Variants in DLG2 observed in about 807,000 individuals in gnomAD.
The protein encoded by DLG2 is discs large MAGUK scaffold protein 2.
Under a neutral mutation model 132.5 loss-of-function variants are expected in DLG2, and 45 were observed. The ratio of observed to expected loss-of-function variants is 0.34; its 90% CI spans 0.27 to 0.44. The LOEUF (loss-of-function observed/expected upper bound fraction) is 0.44. Among genes scored for constraint, DLG2 ranks in the 20% least tolerant of loss-of-function variants. DLG2 has a pLI of 1.00. For synonymous variants in DLG2, 424 were observed against 419.6 expected (o/e 1.01, Z -0.13); for missense variants, 1,045 against 1,196.9 (o/e 0.87, Z 1.87).
At chr11:84,007,462 AT>A (rs1344483231) in intron 11 of DLG2, among the ~76,000 whole-genome samples, 1 of 151,718 alleles carries the variant, frequency 6.6e-6, no homozygotes, top group African/African-American at 2.4e-5. Flanking sequence ...AGAACAATCT[AT>A]CCTATCTTGC....
intron 6 of DLG2, among the ~76,000 whole-genome samples, chr11:84,648,497 C>T (rs551612800): frequency 3.3e-5 from 5 of 152,086 alleles, no homozygotes; most frequent in Non-Finnish European, 5.9e-5. Flanking sequence ...CTATTGTATC[C>T]GTTATAGTTT....
At chr11:83,509,317 C>T (rs1453439587) in intron 21 of DLG2, among the ~76,000 whole-genome samples, 1 of 152,218 alleles carries the variant, frequency 6.6e-6, no homozygotes, top group Non-Finnish European at 1.5e-5. Context: ...ATAATGCCTA[C>T]TTCACATTAT....
chr11:83,604,629 T>C (rs1026169328), intron 19 of DLG2, among the ~76,000 whole-genome samples: 4 of 152,182 alleles, frequency 2.6e-5, no homozygotes, highest in African/African-American at 9.7e-5. Context: ...GAGAAAAACC[T>C]AATGTGAAAC....
At chr11:85,027,384 C>T (rs921415383) in intron 6 of DLG2, among the ~76,000 whole-genome samples, 1 of 152,062 alleles carries the variant, frequency 6.6e-6, no homozygotes, top group Non-Finnish European at 1.5e-5. Context: ...ATAATTGTCA[C>T]GGGACCCTTG....
At chr11:85,317,373 A>C (rs1331438496) in intron 3 of DLG2, among the ~76,000 whole-genome samples, 1 of 151,784 alleles carries the variant, frequency 6.6e-6, no homozygotes, top group Non-Finnish European at 1.5e-5. Flanking sequence ...AGGAATCATC[A>C]CTCTGAAGGC....
chr11:84,583,705 G>A (rs529429547), intron 6 of DLG2, among the ~76,000 whole-genome samples: 161 of 151,900 alleles, frequency 1.1e-3, no homozygotes, highest in African/African-American at 3.9e-3. Context: ...AAATTTTTTA[G>A]CACTCCTTTT....
intron 10 of DLG2, among the ~76,000 whole-genome samples, chr11:84,096,127 G>C (rs1162334104): frequency 6.6e-6 from 1 of 152,134 alleles, no homozygotes; most frequent in African/African-American, 2.4e-5. Context: ...GCGACATTCA[G>C]AACTGGATTT....
At chr11:83,792,792 G>A (rs2041916589) in intron 17 of DLG2, among the ~76,000 whole-genome samples, 1 of 152,136 alleles carries the variant, frequency 6.6e-6, no homozygotes, top group Non-Finnish European at 1.5e-5. Context: ...TATAAACAAT[G>A]AGGTAATAAA....
chr11:84,609,379 T>A (rs927554507), intron 6 of DLG2, among the ~76,000 whole-genome samples: 1 of 152,114 alleles, frequency 6.6e-6, no homozygotes, highest in Admixed American at 6.6e-5. Context: ...AGTTGTTAAG[T>A]GTTATTGTTT....
chr11:84,417,882 T>C (rs533786599), intron 7 of DLG2, among the ~76,000 whole-genome samples: 1 of 152,310 alleles, frequency 6.6e-6, no homozygotes, highest in African/African-American at 2.4e-5. Context: ...TTGTACACTG[T>C]AACACCTGGG....
intron 8 of DLG2, among the ~76,000 whole-genome samples, chr11:84,187,999 A>G (rs1160915473): frequency 6.6e-6 from 1 of 152,132 alleles, no homozygotes; most frequent in Non-Finnish European, 1.5e-5. Context: ...AGCTTTTCCC[A>G]AAATCAAATA....
chr11:85,280,071 A>G (rs923585293), intron 4 of DLG2, among the ~76,000 whole-genome samples: 2 of 152,130 alleles, frequency 1.3e-5, no homozygotes, highest in Admixed American at 1.3e-4. Flanking sequence ...TATACTATGC[A>G]TTTTAATATA....
At chr11:84,209,069 C>G (rs1197247629) in intron 8 of DLG2, among the ~76,000 whole-genome samples, 1 of 152,126 alleles carries the variant, frequency 6.6e-6, no homozygotes, top group African/African-American at 2.4e-5. Flanking sequence ...AGATTTGTCC[C>G]TTGAGAGAAT....
intron 3 of DLG2, among the ~76,000 whole-genome samples, chr11:85,312,023 A>T: frequency 6.6e-6 from 1 of 151,946 alleles, no homozygotes; most frequent in East Asian, 1.9e-4. Context: ...TATCTCTACA[A>T]GGAATGTTCT....
At chr11:85,120,165 G>T (rs912486729) in intron 5 of DLG2, among the ~76,000 whole-genome samples, 10 of 152,042 alleles carry the variant, frequency 6.6e-5, no homozygotes, top group African/African-American at 2.4e-4. Flanking sequence ...AAAGAAAAGG[G>T]TCAATGGATA....
intron 6 of DLG2, among the ~76,000 whole-genome samples, chr11:84,910,691 T>C (rs1021032493): frequency 2.0e-5 from 3 of 152,032 alleles, no homozygotes; most frequent in Non-Finnish European, 4.4e-5. Context: ...GGCAGGAGGA[T>C]AGTTTGAGCC....
intron 6 of DLG2, among the ~76,000 whole-genome samples, chr11:84,573,033 A>G (rs2099489509): frequency 6.6e-6 from 1 of 152,186 alleles, no homozygotes; most frequent in African/African-American, 2.4e-5. Context: ...TCTTTAGCTT[A>G]CAAATACAAT....
At chr11:84,284,834 C>T (rs1189368872) in intron 7 of DLG2, among the ~76,000 whole-genome samples, 1 of 152,100 alleles carries the variant, frequency 6.6e-6, no homozygotes, top group African/African-American at 2.4e-5. Flanking sequence ...CTTTTCAAGG[C>T]CAGGTGTTAA....
At chr11:85,504,837 A>G (rs529675779) in intron 3 of DLG2, among the ~76,000 whole-genome samples, 35 of 152,270 alleles carry the variant, frequency 2.3e-4, no homozygotes, top group Middle Eastern at 3.4e-3. Flanking sequence ...GATTCTTCCT[A>G]TCCATGAGCA....
Sources: allele counts gnomAD v4.1 joint callset (sites outside exome capture counted in the v4.1 genomes callset), GRCh38; gene constraint gnomAD v4.1.1; transcripts MANE v1.5; gene names NCBI Gene and HGNC (gene_info 2026-07-23, HGNC 2026-07-21).